SMIM7: variants seen among roughly 807,000 people sequenced by gnomAD.
SMIM7 encodes the protein small integral membrane protein 7, also known as UPF0608 protein C19orf42.
In SMIM7, 12 loss-of-function variants were observed where a neutral mutation model predicts 13.3. The observed-to-expected ratio is 0.90, with a 90% CI of 0.58 to 1.46. The LOEUF is 1.46. Among genes scored for constraint, SMIM7 ranks in the 40% most tolerant of loss-of-function variants. The probability of loss-of-function intolerance (pLI) is 0.00; values close to 1 mark genes in which losing one functional copy is unlikely to be tolerated. For missense variants in SMIM7, 114 were observed against 94.8 expected, an observed-to-expected ratio of 1.20 and a Z score of -0.84; for synonymous variants, 36 against 35.8, an observed-to-expected ratio of 1.01 and a Z score of -0.02.
chr19:16,653,408 C>T (rs1200525725), intron 4 of SMIM7, among the ~76,000 whole-genome samples: 1 of 151,998 alleles, frequency 6.6e-6, no homozygotes, highest in African/African-American at 2.4e-5. Context: ...CATGATGAAA[C>T]CCTGTCTCTT....
intron 4 of SMIM7, among the ~76,000 whole-genome samples, chr19:16,647,941 C>T (rs1230054819): frequency 2.6e-5 from 4 of 152,112 alleles, no homozygotes; most frequent in Admixed American, 6.5e-5. Flanking sequence ...AAGTTGGACC[C>T]CTGCTTTATG....
At chr19:16,658,523 C>T (rs1361746957) in intron 3 of SMIM7, among the ~76,000 whole-genome samples, 3 of 152,206 alleles carry the variant, frequency 2.0e-5, no homozygotes, top group Non-Finnish European at 4.4e-5. Context: ...ACAGGCCCCA[C>T]CTCCTCAGAG....
At chr19:16,648,353 C>T (rs757005117) in intron 4 of SMIM7, among the ~76,000 whole-genome samples, 2 of 151,670 alleles carry the variant, frequency 1.3e-5, no homozygotes, top group Non-Finnish European at 2.9e-5. Flanking sequence ...GTTGGTCAGG[C>T]CGGTCTCAAA....
chr19:16,657,634 T>G (rs1253974008), intron 3 of SMIM7, among the ~76,000 whole-genome samples: 2 of 152,148 alleles, frequency 1.3e-5, no homozygotes, highest in African/African-American at 4.8e-5. Context: ...GTGACCATTA[T>G]CTTTTAAGAA....
intron 4 of SMIM7, among the ~76,000 whole-genome samples, chr19:16,649,002 CAG>C (rs1436047481): frequency 6.6e-6 from 1 of 151,976 alleles, no homozygotes; most frequent in Non-Finnish European, 1.5e-5. Flanking sequence ...GCCTGCGCAA[CAG>C]AGTGAGACTC....
chr19:16,636,365 G>T (rs2086361392), intron 4 of SMIM7: 1 of 152,118 alleles, frequency 6.6e-6, no homozygotes, highest in South Asian at 2.1e-4. Flanking sequence ...GAATTGTAAA[G>T]AATAAATTTG....
chr19:16,633,775 A>G (rs1415085700), intron 4 of SMIM7: 1 of 152,226 alleles, frequency 6.6e-6, no homozygotes, highest in East Asian at 1.9e-4. Context: ...AATAAATAAT[A>G]AAATGCAGCA....
At chr19:16,653,782 T>G (rs1387698128) in intron 4 of SMIM7, 1 of 441,226 alleles carries the variant, frequency 2.3e-6, no homozygotes, top group East Asian at 3.9e-5. Flanking sequence ...GTAGTCCCAG[T>G]TACTCGGGAG....
At chr19:16,641,462 C>T (rs972585043), downstream of SMIM7, 19 of 152,014 alleles carry the variant, frequency 1.2e-4, no homozygotes, top group Non-Finnish European at 2.1e-4. Flanking sequence ...CCACACTCGG[C>T]TAATTTTGCA....
At chr19:16,651,073 T>C (rs751492803) in intron 4 of SMIM7, among the ~76,000 whole-genome samples, 1 of 152,216 alleles carries the variant, frequency 6.6e-6, no homozygotes, top group Non-Finnish European at 1.5e-5. Flanking sequence ...ATCCTTCCCC[T>C]GTTCTTGGAC....
chr19:16,641,090 G>A (rs546500033), downstream of SMIM7: 2 of 152,260 alleles, frequency 1.3e-5, no homozygotes, highest in African/African-American at 4.8e-5. Context: ...GCTTTGGGAG[G>A]GAAGGGACAC....
At chr19:16,660,025 T>C (rs1312956533) in intron 1 of SMIM7, 25 bp from the exon 2 acceptor site, 20 of 1,614,016 alleles carry the variant, frequency 1.2e-5, no homozygotes, top group Non-Finnish European at 1.5e-5. Context: ...TTACAGTTAC[T>C]AGGGGCGCCC....
chr19:16,656,703 A>T (rs898752772), intron 3 of SMIM7, among the ~76,000 whole-genome samples: 1 of 152,122 alleles, frequency 6.6e-6, no homozygotes, highest in African/African-American at 2.4e-5. Flanking sequence ...GTTCGAGACC[A>T]GCCTGGCCAA....
In SMIM7 at chr19:16,654,180, C is replaced by G. The variant is rs1476938947; in HGVS notation, c.122-55G>C. On this transcript the variant is annotated intron_variant, in intron 3 of 4. Coordinates refer to ENST00000487416, the MANE Select transcript of SMIM7 (RefSeq NM_024104.4). ...ACAGCTAACATCCCATCCCTACTGCCACCTCAGCAGTGGATTTTTGTGACT... is the reference window on the plus strand; with the variant it reads ...ACAGCTAACATCCCATCCCTACTGCGACCTCAGCAGTGGATTTTTGTGACT... 2.7e-6 allele frequency: 4 copies of G among 1,463,160 alleles called. No individual in the cohort carries two copies. In the African/African-American group the frequency reaches 4.2e-5, roughly 15 times the overall value. The allele number at this position is 1,463,160 out of a possible 1,614,324, so 90.6% of individuals were successfully genotyped here.
chr19:16,633,082 G>A (rs150259728), intron 4 of SMIM7, among the ~76,000 whole-genome samples: 1,964 of 152,258 alleles, frequency 0.013, 28 homozygotes, highest in Middle Eastern at 0.027. Context: ...ATTAGAAGGC[G>A]CCACAGGGAG....
chr19:16,648,242 G>T (rs1234831337), intron 4 of SMIM7, among the ~76,000 whole-genome samples: 2 of 152,126 alleles, frequency 1.3e-5, no homozygotes, highest in African/African-American at 4.8e-5. Context: ...CTGGGTTCAA[G>T]CGATTCTCAT....
In SMIM7 at chr19:16,646,842, C is replaced by T. The variant is rs140902115; in HGVS notation, c.*404G>A. 983 of 243,450 alleles carry T rather than the reference C, an allele frequency of 4.0e-3. 12 individuals carry two copies. Among genetic ancestry groups the T allele is most frequent in the African/African-American group, 0.021 (920 of 43,792 alleles). 15.1% of individuals were successfully genotyped at this position (243,450 alleles called of 1,614,324 possible). On this transcript the variant is annotated 3_prime_UTR_variant, in exon 5 of 5. Transcript: ENST00000487416. ...GCAGTTTGTTAACAGGGCCCCTGGC[C>T]GGGCCCAGAGGCTGTCAGACTCAGC... is the stretch of plus-strand genomic sequence containing the variant.
chr19:16,647,137 T>C lies in SMIM7; in HGVS notation c.*109A>G, dbSNP rs2086458951. The C allele has an allele frequency of 2.7e-6, 4 of 1,465,638 alleles. No individual in the cohort carries two copies. Among genetic ancestry groups the C allele is most frequent in the South Asian group, 1.2e-5 (1 of 85,560 alleles). The allele number at this position is 1,465,638 out of a possible 1,614,324, so 90.8% of individuals were successfully genotyped here. A position where few individuals can be genotyped will look rare whatever the true frequency, so the allele number is the denominator to read the frequency against. On this transcript the variant is annotated 3_prime_UTR_variant, in exon 5 of 5. Coordinates refer to ENST00000487416, the MANE Select transcript of SMIM7 (RefSeq NM_024104.4). ...CCACCCACCACGAGCTTGGACTTTC[T>C]GGGAAGGTTGTCGGTTTTCTGGTCA...
At position 16,647,140 on chromosome 19, in the gene SMIM7, G is replaced by A; in HGVS notation, c.*106C>T. 1.4e-6 allele frequency: 2 copies of A among 1,481,124 alleles called. No homozygotes were observed. The highest frequency in any genetic ancestry group is 1.9e-6 in the Non-Finnish European group (2 of 1,066,150). 91.7% of individuals were successfully genotyped at this position (1,481,124 alleles called of 1,614,324 possible). On this transcript the variant is annotated 3_prime_UTR_variant, in exon 5 of 5. Transcript: ENST00000487416. ...CCCACCACGAGCTTGGACTTTCTGG[G>A]AAGGTTGTCGGTTTTCTGGTCAAAA...
Sources: gnomAD v4.1 joint callset for allele counts (sites outside exome capture counted in the v4.1 genomes callset) on GRCh38, gnomAD v4.1.1 for gene constraint, MANE v1.5 for transcripts, NCBI Gene and HGNC (gene_info 2026-07-23, HGNC 2026-07-21) for gene names.